Variants in NOS3 observed in about 807,000 individuals in gnomAD.
NOS3 encodes NOS type III.
Under a neutral mutation model 144.9 loss-of-function variants are expected in NOS3, and 98 were observed. That is an observed-to-expected ratio of 0.68 (90% CI 0.57 to 0.80). The LOEUF (loss-of-function observed/expected upper bound fraction) is 0.80, where lower values mean the gene tolerates loss of function less well. Ranked by LOEUF, NOS3 falls within the 30% of genes least tolerant of loss-of-function variation. NOS3 has a pLI of 0.00. For missense variants in NOS3, 1,465 were observed against 1,656.4 expected, an observed-to-expected ratio of 0.88 and a Z score of 2.01; for synonymous variants, 714 against 702.4, an observed-to-expected ratio of 1.02 and a Z score of -0.26.
At chr7:151,005,131 C>T (rs3918184) in intron 14 of NOS3, among the ~76,000 whole-genome samples, 52,847 of 151,866 alleles carry the variant, frequency 0.35, 9,511 homozygotes, top group African/African-American at 0.38. Context: ...TGAGCCACCA[C>T]GCCCAGCCAC....
Position 151,007,147 on chromosome 7 carries a change from C to T in NOS3, c.1983C>T (p.Cys661=), listed in dbSNP as rs370017827. The part of the protein sequence containing the change: ...GLGSRAYPHF[C]AFARAVDTRL... ...GCTCCCGGGCATACCCCCACTTCTG[C>T]GCCTTTGCTCGTGCCGTGGACACAC... The change falls in exon 17 of 27, where the codon TGC becomes TGT. Residue 661 remains cysteine (C), a synonymous_variant. Transcript: ENST00000297494. 1.7e-5 allele frequency: 27 copies of T among 1,613,876 alleles called. 1 individual carries two copies. The highest frequency in any genetic ancestry group is 9.3e-5 in the African/African-American group (7 of 74,936).
intron 14 of NOS3, among the ~76,000 whole-genome samples, chr7:151,005,419 G>T (rs1795192729): frequency 6.6e-6 from 1 of 152,244 alleles, no homozygotes; most frequent in Non-Finnish European, 1.5e-5. Context: ...CACAAACAAG[G>T]CCATGGTCTT....
rs1313907678 is a variant in NOS3 at position 151,001,319 on chromosome 7, G to T, written c.1322G>T (p.Cys441Phe). The T allele has an allele frequency of 6.2e-7, 1 of 1,613,714 alleles. No individual in the cohort carries two copies. Among genetic ancestry groups the T allele is most frequent in the Admixed American group, 1.7e-5 (1 of 60,008 alleles). The change falls in exon 11 of 27, where the codon TGC becomes TTC. Residue 441 changes from cysteine to phenylalanine, a missense_variant. Cys to Phe is a radical substitution (Grantham distance 205). Around this residue, in one of 5 missense-constraint regions of NOS3, gnomAD observed 745 missense variants for 853.9 expected, o/e 0.87. Coordinates refer to ENST00000297494, the MANE Select transcript of NOS3 (RefSeq NM_000603.5). ...LENEQKARGG[C>F]PADWAWIVPP... ...AATGAGCAGAAGGCCAGGGGGGGCTGCCCTGCAGACTGGGCCTGGATCGTG... is the reference window on the plus strand; with the variant it reads ...AATGAGCAGAAGGCCAGGGGGGGCTTCCCTGCAGACTGGGCCTGGATCGTG...
At chr7:151,000,437 C>T (rs576331177) in intron 9 of NOS3, 61 bp from the exon 10 acceptor site, 1 of 1,056,896 alleles carries the variant, frequency 9.5e-7, no homozygotes, top group East Asian at 2.4e-5. Context: ...GAGATAGTCT[C>T]CCCACCCCAC....
chr7:151,000,442 C>A (rs775564869), intron 9 of NOS3, 56 bp from the exon 10 acceptor site: 1 of 1,113,318 alleles, frequency 9.0e-7, no homozygotes, highest in Non-Finnish European at 1.4e-6. Flanking sequence ...AGTCTCCCCA[C>A]CCCACCCCCG....
Position 151,013,866 on chromosome 7 carries a change from C to G in NOS3, c.3398C>G (p.Thr1133Arg). The G allele has an allele frequency of 6.2e-7, 1 of 1,603,366 alleles. No individual in the cohort carries two copies. Among genetic ancestry groups the G allele is most frequent in the Non-Finnish European group, 8.5e-7 (1 of 1,175,508 alleles). The change falls in exon 26 of 27, where the codon ACG (threonine) becomes AGG (arginine). Residue 1133 changes from threonine to arginine, a missense_variant. Physicochemically the swap from Thr to Arg is moderately conservative, Grantham distance 71. This residue lies in a region of NOS3 where 228 missense variants were observed against 227.7 expected (regional missense o/e 1.00). Transcript: ENST00000297494. Reference sequence around the variant, plus strand: ...CAGACCGTGCAGCGCATCCTGGCGACGGAGGGCGACATGGAGCTGGACGAG... The same window carrying G: ...CAGACCGTGCAGCGCATCCTGGCGAGGGAGGGCGACATGGAGCTGGACGAG... ...VLQTVQRILATEGDMELDEAG... is the reference protein window; with the variant it reads ...VLQTVQRILAREGDMELDEAG...
rs1234481659 is a variant in NOS3 at position 151,006,937 on chromosome 7, G to T, written c.1869G>T (p.Val623=). ...GCATCTCCTGCTCAGACCCACTGGT[G>T]TCCTCTTGGCGGCGGAAGAGGAAGG... ...FNSISCSDPL[V]SSWRRKRKES... The change falls in exon 16 of 27, where the codon GTG becomes GTT. Residue 623 remains valine (V), a synonymous_variant. Coordinates refer to ENST00000297494, the MANE Select transcript of NOS3 (RefSeq NM_000603.5). The T allele has an allele frequency of 7.4e-6, 12 of 1,614,178 alleles. No homozygotes were observed. Among genetic ancestry groups the T allele is most frequent in the South Asian group, 1.1e-5 (1 of 91,072 alleles).
chr7:151,001,481 C>A, intron 11 of NOS3, 56 bp downstream of exon 11: 3 of 1,605,186 alleles, frequency 1.9e-6, no homozygotes, highest in Non-Finnish European at 2.6e-6. Flanking sequence ...CTAAGCAGCC[C>A]CTGGGGACCT....
intron 25 of NOS3, 67 bp from the exon 26 acceptor site, chr7:151,013,657 A>G: frequency 7.4e-7 from 1 of 1,358,942 alleles, no homozygotes; most frequent in Non-Finnish European, 9.9e-7. Flanking sequence ...AGGGCCAGCC[A>G]GCAGCCCCGG....
Position 151,014,029 on chromosome 7 carries a change from G to T in NOS3, c.3472G>T (p.Asp1158Tyr). The T allele has an allele frequency of 6.2e-7, 1 of 1,613,206 alleles. No homozygotes were observed. The highest frequency in any genetic ancestry group is 8.5e-7 in the Non-Finnish European group (1 of 1,179,458). Residue 1158 changes from aspartate to tyrosine, a missense_variant, in exon 27 of 27, where the codon GAC becomes TAC. This residue lies in a region of NOS3 where 228 missense variants were observed against 227.7 expected (regional missense o/e 1.00). Transcript: ENST00000297494. Reference protein sequence around the residue: ...VLRDQQRYHEDIFGLTLRTQE... With the variant: ...VLRDQQRYHEYIFGLTLRTQE... The stretch of plus-strand genomic sequence containing the variant: ...ACAGGATCAGCAACGCTACCACGAA[G>T]ACATTTTCGGGCTCACGCTGCGCAC...
Position 151,002,304 on chromosome 7 carries a change from G to C in NOS3, c.1752G>C (p.Glu584Asp), listed in dbSNP as rs1795125232. Residue 584 changes from glutamate to aspartate, a missense_variant and splice_region_variant, in exon 14 of 27, where the codon GAG becomes GAC. Glu to Asp is a conservative substitution (Grantham distance 45). Transcript: ENST00000297494. The surrounding 1 kb of genome is among the most constrained non-coding windows in gnomAD (Gnocchi z 4.1). ...ATGGGGATCCCCCGGAGAATGGAGA[G>C]GTGAGAACTTCCAGGAAAGGGGCTG... ...FGNGDPPENG[E>D]SFAAALMEMS... 6.4e-7 allele frequency: 1 copy of C among 1,558,836 alleles called. No homozygotes were observed.
chr7:150,996,887 C>T lies in NOS3; in HGVS notation c.544C>T (p.Pro182Ser). 6.3e-7 allele frequency: 1 copy of T among 1,582,968 alleles called. No individual in the cohort carries two copies. Among genetic ancestry groups the T allele is most frequent in the Admixed American group, 1.8e-5 (1 of 55,748 alleles). Reference sequence around the variant, plus strand: ...GGCTAAGCAGGCCTGGCGCAACGCTCCCCGCTGCGTGGGCCGGATCCAGTG... The same window carrying T: ...GGCTAAGCAGGCCTGGCGCAACGCTTCCCGCTGCGTGGGCCGGATCCAGTG... ...FGAKQAWRNA[P>S]RCVGRIQWGK... The change falls in exon 5 of 27, where the codon CCC becomes TCC. Residue 182 changes from proline to serine, a missense_variant. Pro to Ser is a moderately conservative substitution (Grantham distance 74, BLOSUM62 -1). This residue lies in a region of NOS3 where 374 missense variants were observed against 377.0 expected (regional missense o/e 0.99). Transcript: ENST00000297494.
chr7:151,007,687 G>T (rs1436019664), intron 17 of NOS3, among the ~76,000 whole-genome samples: 2 of 152,260 alleles, frequency 1.3e-5, no homozygotes, highest in African/African-American at 2.4e-5. Flanking sequence ...GGCCAGCACA[G>T]AAGCCACAGG....
At position 151,010,641 on chromosome 7, in the gene NOS3, G is replaced by T; in HGVS notation, c.2730G>T (p.Thr910=). 1 of 1,605,594 alleles carries T rather than the reference G, an allele frequency of 6.2e-7. No individual in the cohort carries two copies. The highest frequency in any genetic ancestry group is 1.7e-5 in the Admixed American group (1 of 59,068). ...YEEWKWFRCP[T]LLEVLEQFPS... ...AGTGGAAGTGGTTCCGCTGCCCCACGCTGCTGGAGGTGCTGGAGCAGTTCC... is the reference window on the plus strand; with the variant it reads ...AGTGGAAGTGGTTCCGCTGCCCCACTCTGCTGGAGGTGCTGGAGCAGTTCC... The change falls in exon 22 of 27, where the codon ACG becomes ACT. Residue 910 remains threonine (T), a synonymous_variant. Transcript: ENST00000297494.
chr7:151,011,025 G>A lies in NOS3; in HGVS notation c.2984+39G>A, dbSNP rs572950029. On this transcript the variant is annotated intron_variant, in intron 23 of 26. Transcript: ENST00000297494. ...AAGACTTGGTGGGGAGCTGCCCAGG[G>A]TCAGGGTGGCAGCTTTGGTGAGGAG... 3.2e-5 allele frequency: 48 copies of A among 1,479,228 alleles called. No homozygotes were observed. In the East Asian group the frequency reaches 1.0e-3, roughly 32 times the overall value. The allele number at this position is 1,479,228 out of a possible 1,614,324, so 91.6% of individuals were successfully genotyped here.
intron 10 of NOS3, 122 bp from the exon 11 acceptor site, chr7:151,001,109 G>A: frequency 1.1e-6 from 1 of 913,274 alleles, no homozygotes; most frequent in South Asian, 1.5e-5. Context: ...AGGGGACACA[G>A]GGTGTGTTAG....
rs376431860 is a variant in NOS3 at position 151,010,168 on chromosome 7, C to T, written c.2566C>T (p.Arg856Cys). 5 of 1,610,752 alleles carry T rather than the reference C, an allele frequency of 3.1e-6. No homozygotes were observed. Among genetic ancestry groups the T allele is most frequent in the African/African-American group, 2.7e-5 (2 of 74,870 alleles). Reference sequence around the variant, plus strand: ...CCCCCGGCTGCCCCCGTGCACGCTGCGCCAGGCTCTCACCTTCTTCCTGGA... The same window carrying T: ...CCCCCGGCTGCCCCCGTGCACGCTGTGCCAGGCTCTCACCTTCTTCCTGGA... Reference protein sequence around the residue: ...RDPRLPPCTLRQALTFFLDIT... With the variant: ...RDPRLPPCTLCQALTFFLDIT... The change falls in exon 21 of 27, where the codon CGC becomes TGC. Residue 856 changes from arginine to cysteine, a missense_variant. Coordinates refer to ENST00000297494, the MANE Select transcript of NOS3 (RefSeq NM_000603.5).
intron 20 of NOS3, 81 bp from the exon 21 acceptor site, chr7:151,010,034 G>A: frequency 1.1e-6 from 1 of 902,196 alleles, no homozygotes; most frequent in Non-Finnish European, 1.8e-6. Context: ...CTCTCTAACA[G>A]TCACCAAAAC....
intron 23 of NOS3, chr7:151,011,868 A>G (rs1285011145): frequency 2.3e-6 from 1 of 435,568 alleles, no homozygotes; most frequent in Non-Finnish European, 4.6e-6. Flanking sequence ...TGCTGTGTCC[A>G]GAAGTCTTGC....
Sources: gnomAD v4.1 joint callset for allele counts (sites outside exome capture counted in the v4.1 genomes callset) on GRCh38, gnomAD v4.1.1 for gene constraint, gnomAD v4.1.1 regional missense constraint, Gnocchi (gnomAD v3.1) non-coding constraint, MANE v1.5 for transcripts, NCBI Gene and HGNC (gene_info 2026-07-23, HGNC 2026-07-21) for gene names.